Variants in SEZ6L2 observed in about 807,000 individuals in gnomAD.
SEZ6L2 encodes the protein seizure 6-like protein 2.
In SEZ6L2, 44 loss-of-function variants were observed where a neutral mutation model predicts 97.0. The ratio of observed to expected loss-of-function variants is 0.45; its 90% CI spans 0.36 to 0.58. The LOEUF (loss-of-function observed/expected upper bound fraction) is 0.58. SEZ6L2 is among the 20% of genes least tolerant of loss of function. The probability of loss-of-function intolerance (pLI) is 0.00; values close to 1 mark genes in which losing one functional copy is unlikely to be tolerated. For missense variants in SEZ6L2, 1,086 were observed against 1,233.3 expected (o/e 0.88, Z 1.79); for synonymous variants, 543 against 546.1 (o/e 0.99, Z 0.08).
At chr16:29,878,688 C>T (rs1366396817) in intron 9 of SEZ6L2, among the ~76,000 whole-genome samples, 3 of 148,668 alleles carry the variant, frequency 2.0e-5, no homozygotes, top group African/African-American at 7.4e-5. Flanking sequence ...TGGTTCACGC[C>T]ATTCTCCTGC....
chr16:29,898,561 A>G (rs887230376), intron 1 of SEZ6L2, among the ~76,000 whole-genome samples: 3 of 151,730 alleles, frequency 2.0e-5, no homozygotes, highest in Non-Finnish European at 2.9e-5. Context: ...GCCTCTGCTC[A>G]TCTGTCTTTG....
At chr16:29,893,076 G>A (rs370924871) in intron 5 of SEZ6L2, among the ~76,000 whole-genome samples, 2 of 152,310 alleles carry the variant, frequency 1.3e-5, no homozygotes, top group East Asian at 3.9e-4. Flanking sequence ...TGTAATCTCA[G>A]CACTTTGGGA....
intron 5 of SEZ6L2, among the ~76,000 whole-genome samples, chr16:29,889,614 CTTTTTTTTTTTTTTTT>C (rs869108927): frequency 0.082 from 5,797 of 70,766 alleles, 516 homozygotes; most frequent in African/African-American, 0.23. Flanking sequence ...CTTGAAACTT[CTTTTTTTTTTTTTTTT>C]TTTTTTTTTT....
chr16:29,889,181 G>A (rs1023659339), intron 5 of SEZ6L2, among the ~76,000 whole-genome samples: 5 of 152,160 alleles, frequency 3.3e-5, no homozygotes, highest in East Asian at 1.9e-4. Flanking sequence ...GCTGGCTCAC[G>A]CCTGTAATCC....
rs2067902442 is a variant in SEZ6L2, at chr16:29,876,333, AG to A, written c.2104+422del. 6.6e-6 allele frequency among the ~76,000 whole-genome samples: 1 copy of A among 152,188 alleles called. No individual in the cohort carries two copies. Among genetic ancestry groups the A allele is most frequent in the Non-Finnish European group, 1.5e-5 (1 of 68,032 alleles). On this transcript the variant is annotated intron_variant, in intron 12 of 17. Transcript: ENST00000617533. The surrounding 1 kb of genome is among the most constrained non-coding windows in gnomAD (Gnocchi z 6.5). ...GTGGCTCCCTACAATTTCAACTGAT[AG>A]GACTGCGGGATTGGGGCGGGGCGTA...
At chr16:29,891,027 C>T (rs1463130144) in intron 5 of SEZ6L2, among the ~76,000 whole-genome samples, 3 of 151,852 alleles carry the variant, frequency 2.0e-5, no homozygotes, top group South Asian at 2.1e-4. Flanking sequence ...CTGCAACCTC[C>T]GTCTCCCAGG....
intron 5 of SEZ6L2, among the ~76,000 whole-genome samples, chr16:29,893,250 G>T (rs2068309671): frequency 6.6e-6 from 1 of 152,152 alleles, no homozygotes; most frequent in African/African-American, 2.4e-5. Context: ...CTTGAACCCG[G>T]GAGGCAGAGG....
intron 10 of SEZ6L2, 136 bp from the exon 11 acceptor site, chr16:29,877,603 T>C (rs2067937584): frequency 2.5e-6 from 2 of 812,514 alleles, no homozygotes; most frequent in Admixed American, 3.4e-5. Flanking sequence ...ATCCCAGGTC[T>C]GGCGCCGCCT....
chr16:29,890,859 C>T (rs1224610289), intron 5 of SEZ6L2, among the ~76,000 whole-genome samples: 1 of 150,384 alleles, frequency 6.6e-6, no homozygotes, highest in Non-Finnish European at 1.5e-5. Flanking sequence ...AGTAATTCTC[C>T]TCCCTCAGCC....
intron 17 of SEZ6L2, 112 bp from the exon 18 acceptor site, chr16:29,871,840 G>T: frequency 1.1e-6 from 1 of 923,276 alleles, no homozygotes; most frequent in Non-Finnish European, 1.7e-6. Flanking sequence ...GACCTCTAGG[G>T]GCTGGGGGGC....
Position 29,888,688 on chromosome 16 carries a change from G to A in SEZ6L2, c.891C>T (p.Ala297=). 1.2e-6 allele frequency: 2 copies of A among 1,613,596 alleles called. No homozygotes were observed. The highest frequency in any genetic ancestry group is 1.7e-6 in the Non-Finnish European group (2 of 1,179,780). The change falls in exon 6 of 18, where the codon GCC becomes GCT. Residue 297 remains alanine, a synonymous_variant. Transcript: ENST00000617533. ...LLSCGFPPRP[A]HGDVSVTDLH... is the part of the protein sequence containing the mutation. Reference sequence around the variant, plus strand: ...GGTCCGTCACACTCACGTCCCCATGGGCCGGCCGGGGAGGGAAGCCACAGC... The same window carrying A: ...GGTCCGTCACACTCACGTCCCCATGAGCCGGCCGGGGAGGGAAGCCACAGC...
chr16:29,887,731 A>C lies in SEZ6L2; in HGVS notation c.1126T>G (p.Cys376Gly), dbSNP rs755935369. Residue 376 changes from cysteine (C) to glycine (G), a missense_variant, in exon 7 of 18, where the codon TGC becomes GGC. This residue lies in a region of SEZ6L2 where 776 missense variants were observed against 794.7 expected (regional missense o/e 0.98). Transcript: ENST00000617533. ...TCAGCTGCTTCAATGACCCAACGGCAGGTGAGGTTGGGCCCTACGGCTCCC... is the reference window on the plus strand; with the variant it reads ...TCAGCTGCTTCAATGACCCAACGGCCGGTGAGGTTGGGCCCTACGGCTCCC... ...PGGAVGPNLT[C>G]RWVIEAAEGR... 1 of 1,613,188 alleles carries C rather than the reference A, an allele frequency of 6.2e-7. No individual in the cohort carries two copies. Among genetic ancestry groups the C allele is most frequent in the Non-Finnish European group, 8.5e-7 (1 of 1,179,532 alleles).
intron 5 of SEZ6L2, among the ~76,000 whole-genome samples, chr16:29,890,244 C>T (rs1453779144): frequency 6.6e-6 from 1 of 152,106 alleles, no homozygotes; most frequent in East Asian, 1.9e-4. Flanking sequence ...CAGTGGCTCA[C>T]GCCTGTAATC....
rs1165433978 is a variant in SEZ6L2, at chr16:29,899,269, G to C, written c.-250C>G. ...CTCTTCTCGCGGCTCTGTGGTGGAG[G>C]GGGCGCGGCTCCGGCTGCAGGGGGT... On this transcript the variant is annotated 5_prime_UTR_variant, in exon 1 of 18. Transcript: ENST00000617533. The C allele has an allele frequency of 8.5e-6, 4 of 469,784 alleles. No homozygotes were observed. The highest frequency in any genetic ancestry group is 8.3e-5 in the African/African-American group (4 of 48,070). 29.1% of individuals were successfully genotyped at this position (469,784 alleles called of 1,614,324 possible). A position where few individuals can be genotyped will look rare whatever the true frequency, so the allele number is the denominator to read the frequency against.
rs2068420944 is a variant in SEZ6L2, at chr16:29,897,191, G to GA, written c.212-71dup. On this transcript the variant is annotated intron_variant, in intron 2 of 17. Transcript: ENST00000617533. Reference sequence around the variant, plus strand: ...AGGACCTTGGGTGGGGAGCAGGGCTGAGGGAAGCTAGGGGTTCCCCTGCCA... The same window carrying GA: ...AGGACCTTGGGTGGGGAGCAGGGCTGAAGGGAAGCTAGGGGTTCCCCTGCCA... 16 of 1,333,550 alleles carry GA rather than the reference G, an allele frequency of 1.2e-5. 1 individual carries two copies. The South Asian group carries it at 2.4e-4, about 20-fold the overall frequency. 82.6% of individuals were successfully genotyped at this position (1,333,550 alleles called of 1,614,324 possible).
At position 29,899,098 on chromosome 16, in the gene SEZ6L2, T is replaced by C; in HGVS notation, c.-79A>G. On this transcript the variant is annotated 5_prime_UTR_variant, in exon 1 of 18. Coordinates refer to ENST00000617533, the MANE Select transcript of SEZ6L2 (RefSeq NM_001243332.2). Reference sequence around the variant, plus strand: ...ACCTTTCCTCCGTCTCCGTTTATCTTTCCCTTTAATTGTTTTTTTTTTTTT... The same window carrying C: ...ACCTTTCCTCCGTCTCCGTTTATCTCTCCCTTTAATTGTTTTTTTTTTTTT... The C allele has an allele frequency of 1.1e-6, 1 of 944,334 alleles. No individual in the cohort carries two copies. Among genetic ancestry groups the C allele is most frequent in the Non-Finnish European group, 1.6e-6 (1 of 631,678 alleles). 58.5% of individuals were successfully genotyped at this position (944,334 alleles called of 1,614,324 possible).
rs1439553462 is a variant in SEZ6L2, at chr16:29,872,294, G to C, written c.2646-11C>G. 6.8e-6 allele frequency: 11 copies of C among 1,608,802 alleles called. No homozygotes were observed. Among genetic ancestry groups the C allele is most frequent in the Non-Finnish European group, 9.3e-6 (11 of 1,176,854 alleles). ...GACTTTCCCTGAAGCCTGGGAAAGG[G>C]AGAGGACAGAGGAGCTTATCAACAG... On this transcript the variant is annotated splice_polypyrimidine_tract_variant and intron_variant, in intron 16 of 17. Transcript: ENST00000617533.
At position 29,876,159 on chromosome 16, in the gene SEZ6L2, T is replaced by C. The variant is rs1223554528; in HGVS notation, c.2104+597A>G. On this transcript the variant is annotated intron_variant, in intron 12 of 17. Coordinates refer to ENST00000617533, the MANE Select transcript of SEZ6L2 (RefSeq NM_001243332.2). The surrounding 1 kb of genome is among the most constrained non-coding windows in gnomAD (Gnocchi z 6.5). ...TGCCTCGCCCAAAGTCACCCAGTGA[T>C]CACCACCCTGCGTATCCCTCCCAGA... is the stretch of plus-strand genomic sequence containing the variant. 2.0e-5 allele frequency among the ~76,000 whole-genome samples: 3 copies of C among 152,026 alleles called. No homozygotes were observed. The highest frequency in any genetic ancestry group is 4.4e-5 in the Non-Finnish European group (3 of 68,018).
intron 1 of SEZ6L2, 99 bp from the exon 2 acceptor site, chr16:29,898,083 G>A: frequency 7.2e-6 from 11 of 1,531,016 alleles, no homozygotes; most frequent in Non-Finnish European, 8.8e-7. Flanking sequence ...CCATCAGCTG[G>A]GCCTGCAGGG....
Sources: allele counts gnomAD v4.1 joint callset (sites outside exome capture counted in the v4.1 genomes callset), GRCh38; gene constraint gnomAD v4.1.1; regional missense constraint gnomAD v4.1.1; non-coding constraint Gnocchi (gnomAD v3.1); transcripts MANE v1.5; gene names NCBI Gene and HGNC (gene_info 2026-07-23, HGNC 2026-07-21).